PBRM1: variants seen among roughly 807,000 people sequenced by gnomAD.
The protein encoded by PBRM1 is polybromo 1.
In PBRM1, 27 loss-of-function variants were observed where a neutral mutation model predicts 194.5. The ratio of observed to expected loss-of-function variants is 0.14; its 90% CI spans 0.10 to 0.19. The LOEUF is 0.19. PBRM1 is among the 10% of genes least tolerant of loss of function. The probability of loss-of-function intolerance (pLI) is 1.00; values close to 1 mark genes in which losing one functional copy is unlikely to be tolerated. For synonymous variants in PBRM1, 655 were observed against 693.2 expected (o/e 0.94, Z 0.87); for missense variants, 1,466 against 2,077.2 (o/e 0.71, Z 5.72).
intron 16 of PBRM1, among the ~76,000 whole-genome samples, chr3:52,604,148 T>C (rs945539455): frequency 6.6e-6 from 1 of 152,232 alleles, no homozygotes; most frequent in Non-Finnish European, 1.5e-5. Context: ...GACCGATGTG[T>C]TACATAATAG....
chr3:52,603,783 C>T (rs982824375), intron 16 of PBRM1, 51 bp from the exon 19 acceptor site: 3 of 1,483,238 alleles, frequency 2.0e-6, no homozygotes, highest in African/African-American at 1.4e-5. Context: ...TTCTTTTAAA[C>T]ACCTCAATTA....
At chr3:52,582,761 A>G (rs2091565322) in intron 20 of PBRM1, among the ~76,000 whole-genome samples, 2 of 151,988 alleles carry the variant, frequency 1.3e-5, no homozygotes, top group Admixed American at 6.6e-5. Context: ...CACCTGTTTG[A>G]GTACTACCAT....
chr3:52,609,992 A>AATG lies in PBRM1; in HGVS notation c.1925-40_1925-38dup. On this transcript the variant is annotated intron_variant, in intron 15 of 29. Coordinates refer to ENST00000296302, the Ensembl canonical transcript of PBRM1. This position sits in a 1 kb window ranked among gnomAD's most constrained non-coding sequence, Gnocchi z 4.1. Reference sequence around the variant, plus strand: ...TATTTAATGTTAAATGAATAAAATAAATGAACCTAAATTTGTATACAGATG... The same window carrying AATG: ...TATTTAATGTTAAATGAATAAAATAAATGATGAACCTAAATTTGTATACAGATG... The AATG allele has an allele frequency of 7.8e-7, 1 of 1,276,484 alleles. No homozygotes were observed. The highest frequency in any genetic ancestry group is 1.1e-6 in the Non-Finnish European group (1 of 940,924). The allele number at this position is 1,276,484 out of a possible 1,614,324, so 79.1% of individuals were successfully genotyped here. A position where few individuals can be genotyped will look rare whatever the true frequency, so the allele number is the denominator to read the frequency against.
At chr3:52,658,928 T>C (rs1180866299) in intron 4 of PBRM1, among the ~76,000 whole-genome samples, 1 of 152,222 alleles carries the variant, frequency 6.6e-6, no homozygotes, top group Non-Finnish European at 1.5e-5. Flanking sequence ...AATGAGCAAC[T>C]GAGCAGGAGA....
intron 24 of PBRM1, 54 bp from the exon 27 acceptor site, chr3:52,562,022 C>T (rs1256085988): frequency 2.6e-5 from 38 of 1,457,756 alleles, no homozygotes; most frequent in Non-Finnish European, 3.6e-5. Context: ...TGGTTAACTG[C>T]TCAAAATTTC....
intron 17 of PBRM1, among the ~76,000 whole-genome samples, chr3:52,594,539 G>C (rs1172664452): frequency 1.3e-5 from 2 of 152,092 alleles, no homozygotes; most frequent in East Asian, 3.8e-4. Context: ...TATTTATCCA[G>C]CTTGCCACTC....
intron 20 of PBRM1, among the ~76,000 whole-genome samples, chr3:52,580,654 G>A (rs11718509): frequency 0.34 from 51,942 of 152,068 alleles, 9,885 homozygotes; most frequent in Admixed American, 0.46. Context: ...GAGCCACTGC[G>A]CCCAGCCAAA....
intron 5 of PBRM1, among the ~76,000 whole-genome samples, chr3:52,653,109 A>T (rs368528388): frequency 6.6e-6 from 1 of 152,230 alleles, no homozygotes; most frequent in African/African-American, 2.4e-5. Context: ...GGAGTTTGTT[A>T]CAAGCTCTTT....
upstream of PBRM1, among the ~76,000 whole-genome samples, chr3:52,680,473 A>AT (rs1214266054): frequency 1.3e-5 from 2 of 152,164 alleles, no homozygotes; most frequent in African/African-American, 4.8e-5. Flanking sequence ...TACTCTAACT[A>AT]TAACACGTAC....
At chr3:52,579,672 A>C (rs186828418) in intron 20 of PBRM1, among the ~76,000 whole-genome samples, 64 of 151,588 alleles carry the variant, frequency 4.2e-4, no homozygotes, top group Non-Finnish European at 7.9e-4. Flanking sequence ...GAAACAAAAC[A>C]ATTAGATTAT....
At chr3:52,675,464 AAAT>A (rs2097077656) in intron 2 of PBRM1, among the ~76,000 whole-genome samples, 1 of 152,192 alleles carries the variant, frequency 6.6e-6, no homozygotes, top group South Asian at 2.1e-4. Context: ...TTTCTCAATA[AAAT>A]ATTAGCAAAC....
At chr3:52,662,192 C>T (rs2153925529) in exon 4 of PBRM1, 1 of 1,614,054 alleles carries the variant, frequency 6.2e-7, no homozygotes. Context: ...TCGTCATCTG[C>T]TTCTCCTTTC....
In PBRM1 at chr3:52,658,027, A is replaced by G. The variant is rs976409246; in HGVS notation, c.645+172T>C. On this transcript the variant is annotated intron_variant, in intron 5 of 29. Transcript: ENST00000296302. ...GGGATGGTCTCGAACTCCCAACCTC[A>G]GATGATCCACCTGCCTCGGCCTCCC... Among the ~76,000 whole-genome samples the G allele has an allele frequency of 4.6e-5, 7 of 151,604 alleles. No homozygotes were observed. In the South Asian group the frequency reaches 6.2e-4, roughly 13 times the overall value.
intron 16 of PBRM1, among the ~76,000 whole-genome samples, chr3:52,607,231 ACTAT>A (rs1169281442): frequency 1.3e-5 from 2 of 152,178 alleles, no homozygotes; most frequent in Non-Finnish European, 2.9e-5. Flanking sequence ...CAATCACAAT[ACTAT>A]CTTTGTTCAC....
downstream of PBRM1, chr3:52,546,513 C>T (rs1194391207): frequency 8.7e-6 from 2 of 229,802 alleles, no homozygotes; most frequent in Non-Finnish European, 1.7e-5. Context: ...CCATTCTACA[C>T]TCTTTTGCCC....
At chr3:52,618,351 GTCTA>G (rs771748087) in intron 13 of PBRM1, among the ~76,000 whole-genome samples, 16 of 152,138 alleles carry the variant, frequency 1.1e-4, no homozygotes, top group Non-Finnish European at 2.4e-4. Flanking sequence ...AGAGCAGATG[GTCTA>G]TCTCTTAATT....
intron 13 of PBRM1, among the ~76,000 whole-genome samples, chr3:52,619,558 G>C (rs1449921553): frequency 6.6e-6 from 1 of 152,166 alleles, no homozygotes; most frequent in Non-Finnish European, 1.5e-5. Context: ...CATGGATACA[G>C]AGGGCCAACT....
At chr3:52,626,706 T>C (rs2153573289) in intron 13 of PBRM1, among the ~76,000 whole-genome samples, 2 of 152,038 alleles carry the variant, frequency 1.3e-5, no homozygotes, top group East Asian at 1.9e-4. Context: ...GGAGAAACGG[T>C]TAGGGAAGTT....
rs1194699328 is a variant in PBRM1 at position 52,636,854 on chromosome 3, G to A, written c.1088-2039C>T. On this transcript the variant is annotated intron_variant, in intron 10 of 29. Transcript: ENST00000296302. Reference sequence around the variant, plus strand: ...TGCCTGGGCGACAGAGTGAGACTCCGCCTTAAAAAAAAAAAAAAGAATTTA... The same window carrying A: ...TGCCTGGGCGACAGAGTGAGACTCCACCTTAAAAAAAAAAAAAAGAATTTA... Among the ~76,000 whole-genome samples, 10 of 103,180 alleles carry A rather than the reference G, an allele frequency of 9.7e-5. No homozygotes were observed. In the South Asian group the frequency reaches 1.9e-3, roughly 19 times the overall value. The allele number at this position is 103,180 out of a possible 152,430, so 67.7% of individuals were successfully genotyped here.
Sources: gnomAD v4.1 joint callset for allele counts (sites outside exome capture counted in the v4.1 genomes callset) on GRCh38, gnomAD v4.1.1 for gene constraint, Gnocchi (gnomAD v3.1) non-coding constraint, MANE v1.5 for transcripts, NCBI Gene and HGNC (gene_info 2026-07-23, HGNC 2026-07-21) for gene names.